KIF17: variants seen among roughly 807,000 people sequenced by gnomAD.
KIF17 encodes kinesin-like protein KIF17.
Under a neutral mutation model 96.8 loss-of-function variants are expected in KIF17, and 80 were observed. That is an observed-to-expected ratio of 0.83 (90% CI 0.69 to 1.00). KIF17 has a LOEUF of 1.00. KIF17 is among the 50% of genes least tolerant of loss of function. The pLI is 0.00. For synonymous variants in KIF17, 567 were observed against 587.5 expected (o/e 0.97, Z 0.51); for missense variants, 1,280 against 1,372.9 (o/e 0.93, Z 1.07).
At position 20,717,795 on chromosome 1, in the gene KIF17, C is replaced by G. The variant is rs2054609993; in HGVS notation, c.-89G>C. Reference sequence around the variant, plus strand: ...CCCGGGCCAAGGGGCGGGGCCAGCGCCGGCCACGGGGGGCGGGGCCTTGAG... The same window carrying G: ...CCCGGGCCAAGGGGCGGGGCCAGCGGCGGCCACGGGGGGCGGGGCCTTGAG... On this transcript the variant is annotated 5_prime_UTR_variant, in exon 1 of 15. Transcript: ENST00000400463. 1.5e-6 allele frequency: 2 copies of G among 1,348,174 alleles called. No homozygotes were observed. Among genetic ancestry groups the G allele is most frequent in the Admixed American group, 3.9e-5 (1 of 25,506 alleles). 83.5% of individuals were successfully genotyped at this position (1,348,174 alleles called of 1,614,324 possible). A position where few individuals can be genotyped will look rare whatever the true frequency, so the allele number is the denominator to read the frequency against.
Position 20,712,812 on chromosome 1 carries a change from TATATAA to T in KIF17, c.480+636_480+641del, listed in dbSNP as rs1481359052. ...TATATATAAATAGATAATATCTATA[TATATAA>T]TATAGATATTATCTATATTATAGAT... is the stretch of plus-strand genomic sequence containing the variant. On this transcript the variant is annotated intron_variant, in intron 3 of 14. Coordinates refer to ENST00000400463, the MANE Select transcript of KIF17 (RefSeq NM_001122819.3). Among the ~76,000 whole-genome samples, 6 of 51,428 alleles carry T rather than the reference TATATAA, an allele frequency of 1.2e-4. 2 individuals are homozygous for T. The highest frequency in any genetic ancestry group is 3.2e-4 in the African/African-American group (6 of 18,834). 33.7% of individuals were successfully genotyped at this position (51,428 alleles called of 152,430 possible). A position where few individuals can be genotyped will look rare whatever the true frequency, so the allele number is the denominator to read the frequency against.
rs373929700 is a variant in KIF17, at chr1:20,670,389, C to T, written c.2790+32G>A. On this transcript the variant is annotated intron_variant, in intron 13 of 14. Coordinates refer to ENST00000400463, the MANE Select transcript of KIF17 (RefSeq NM_001122819.3). ...CTGGGGGCAAAGCCCTCCCAGCCCC[C>T]GACACCCCACTCCCTCTCCCGCGGT... The T allele has an allele frequency of 9.8e-5, 158 of 1,607,086 alleles. 1 individual carries two copies. The highest frequency in any genetic ancestry group is 1.5e-4 in the South Asian group (14 of 90,952).
intron 11 of KIF17, among the ~76,000 whole-genome samples, chr1:20,676,675 C>CA (rs1179133926): frequency 3.3e-5 from 5 of 151,592 alleles, no homozygotes; most frequent in Non-Finnish European, 5.9e-5. Flanking sequence ...CTACTAAATA[C>CA]AAAAAATTAG....
chr1:20,697,443 A>C (rs1253098950), intron 6 of KIF17, among the ~76,000 whole-genome samples: 1 of 43,736 alleles, frequency 2.3e-5, no homozygotes, highest in Non-Finnish European at 4.2e-5. Context: ...CTATCTCTAC[A>C]AAAAAATTTA....
At chr1:20,679,092 A>G (rs1447912247) in intron 11 of KIF17, among the ~76,000 whole-genome samples, 3 of 151,438 alleles carry the variant, frequency 2.0e-5, no homozygotes, top group Admixed American at 2.0e-4. Context: ...CCGGCAGATC[A>G]TTTGAACTCA....
chr1:20,703,186 G>A (rs3077928), intron 5 of KIF17, among the ~76,000 whole-genome samples: 110 of 96,060 alleles, frequency 1.1e-3, no homozygotes, highest in East Asian at 2.2e-3. Flanking sequence ...TGAATGGATG[G>A]ACGGATGGAT....
At chr1:20,701,913 G>A (rs2054244316) in intron 5 of KIF17, among the ~76,000 whole-genome samples, 1 of 152,176 alleles carries the variant, frequency 6.6e-6, no homozygotes, top group Non-Finnish European at 1.5e-5. Flanking sequence ...TTTGTTGAAA[G>A]GGAAAAAGAG....
intron 13 of KIF17, among the ~76,000 whole-genome samples, chr1:20,666,536 C>T (rs1163210068): frequency 6.6e-6 from 1 of 152,040 alleles, no homozygotes; most frequent in African/African-American, 2.4e-5. Flanking sequence ...AGCTCGGGGC[C>T]AGGAAGTCAG....
chr1:20,707,603 G>A (rs964374278), intron 4 of KIF17, among the ~76,000 whole-genome samples: 28 of 151,524 alleles, frequency 1.8e-4, no homozygotes, highest in Non-Finnish European at 3.4e-4. Flanking sequence ...AGATCCTGTC[G>A]CTACAAAACA....
chr1:20,667,817 G>A (rs571088003), intron 13 of KIF17, among the ~76,000 whole-genome samples: 2 of 152,242 alleles, frequency 1.3e-5, no homozygotes, highest in African/African-American at 4.8e-5. Context: ...AGACCAGCCT[G>A]ACCAACATGG....
intron 3 of KIF17, among the ~76,000 whole-genome samples, chr1:20,711,426 G>A (rs1262300046): frequency 4.6e-5 from 7 of 152,206 alleles, no homozygotes; most frequent in Non-Finnish European, 8.8e-5. Context: ...GCCCTCAGCC[G>A]CGCACCAGGT....
downstream of KIF17, among the ~76,000 whole-genome samples, chr1:20,663,510 AT>A (rs2053472798): frequency 6.6e-6 from 1 of 152,232 alleles, no homozygotes. Flanking sequence ...GGTGGGCGTT[AT>A]CCCCATTTCA....
In KIF17 at chr1:20,666,204, G is replaced by C; in HGVS notation, c.2908+10C>G. The C allele has an allele frequency of 6.3e-7, 1 of 1,592,762 alleles. No individual in the cohort carries two copies. Among genetic ancestry groups the C allele is most frequent in the South Asian group, 1.1e-5 (1 of 90,662 alleles). ...TGTGGAGAGGGTGGGGACAGGGGAG[G>C]GACACTCACTGAGGCTCTTCCTGGC... On this transcript the variant is annotated intron_variant, in intron 14 of 14. Coordinates refer to ENST00000400463, the MANE Select transcript of KIF17 (RefSeq NM_001122819.3).
rs1194177953 is a variant in KIF17 at position 20,672,142 on chromosome 1, T to C, written c.2518A>G (p.Lys840Glu). Residue 840 changes from lysine to glutamate, a missense_variant, in exon 12 of 15, where the codon AAG (lysine) becomes GAG (glutamate). By Grantham distance (56) the Lys-to-Glu change is moderately conservative. Coordinates refer to ENST00000400463, the MANE Select transcript of KIF17 (RefSeq NM_001122819.3). The surrounding 1 kb of genome is among the most constrained non-coding windows in gnomAD (Gnocchi z 4.3). ...CGGATGGTGGCCAAGTAATCGATCTTCTCCAGCTGAAACTCGGACTGCAGA... is the reference window on the plus strand; with the variant it reads ...CGGATGGTGGCCAAGTAATCGATCTCCTCCAGCTGAAACTCGGACTGCAGA... ...KDLQSEFQLE[K>E]IDYLATIRRQ... The C allele has an allele frequency of 1.2e-6, 2 of 1,614,166 alleles. No individual in the cohort carries two copies. The highest frequency in any genetic ancestry group is 3.3e-5 in the Admixed American group (2 of 60,018).
Position 20,682,938 on chromosome 1 carries a change from C to G in KIF17, c.2232-54G>C. The G allele has an allele frequency of 3.3e-6, 5 of 1,507,996 alleles. No homozygotes were observed. In the South Asian group the frequency reaches 5.7e-5, roughly 17 times the overall value. The allele number at this position is 1,507,996 out of a possible 1,614,324, so 93.4% of individuals were successfully genotyped here. A position where few individuals can be genotyped will look rare whatever the true frequency, so the allele number is the denominator to read the frequency against. On this transcript the variant is annotated intron_variant, in intron 10 of 14. Transcript: ENST00000400463. ...GACAATATCTGCCCATCACCGAGCA[C>G]GTGCCATCCAGCAGGCTCCAGGCTA...
At chr1:20,712,604 CTA>C (rs373991865) in intron 3 of KIF17, among the ~76,000 whole-genome samples, 8,457 of 19,998 alleles carry the variant, frequency 0.42, 2,874 homozygotes, top group East Asian at 0.77. Context: ...CTATATATAT[CTA>C]TATATATATA....
chr1:20,709,491 C>T lies in KIF17; in HGVS notation c.670+148G>A. 2 of 835,520 alleles carry T rather than the reference C, an allele frequency of 2.4e-6. No individual in the cohort carries two copies. Among genetic ancestry groups the T allele is most frequent in the Non-Finnish European group, 4.0e-6 (2 of 496,684 alleles). 51.8% of individuals were successfully genotyped at this position (835,520 alleles called of 1,614,324 possible). ...TCCTGGGAACACGGGTCCCAGCATCCCAAGGGTCCTCTTGGGTTTCCTCCA... is the reference window on the plus strand; with the variant it reads ...TCCTGGGAACACGGGTCCCAGCATCTCAAGGGTCCTCTTGGGTTTCCTCCA... On this transcript the variant is annotated intron_variant, in intron 4 of 14. Transcript: ENST00000400463. The surrounding 1 kb of genome is among the most constrained non-coding windows in gnomAD (Gnocchi z 4.7).
At chr1:20,675,881 T>TTC (rs1187289497) in intron 11 of KIF17, among the ~76,000 whole-genome samples, 19 of 152,260 alleles carry the variant, frequency 1.2e-4, no homozygotes, top group African/African-American at 4.3e-4. Context: ...AGTTTTGTAC[T>TTC]TCTTTTTGTA....
chr1:20,672,839 GC>G lies in KIF17; in HGVS notation c.2464-644del, dbSNP rs1259845950. 3.1e-5 allele frequency: 5 copies of G among 161,854 alleles called. No individual in the cohort carries two copies. The highest frequency in any genetic ancestry group is 5.5e-5 in the Non-Finnish European group (4 of 72,838). 10.0% of individuals were successfully genotyped at this position (161,854 alleles called of 1,614,324 possible). On this transcript the variant is annotated intron_variant, in intron 11 of 14. Coordinates refer to ENST00000400463, the MANE Select transcript of KIF17 (RefSeq NM_001122819.3). This position sits in a 1 kb window ranked among gnomAD's most constrained non-coding sequence, Gnocchi z 4.3. ...CCCTCCTGAGCACAGGTGACTGCCA[GC>G]CCCAGCCATAACCACCCTCTCCCTG...
Sources: gnomAD v4.1 joint callset for allele counts (sites outside exome capture counted in the v4.1 genomes callset) on GRCh38, gnomAD v4.1.1 for gene constraint, Gnocchi (gnomAD v3.1) non-coding constraint, MANE v1.5 for transcripts, NCBI Gene and HGNC (gene_info 2026-07-23, HGNC 2026-07-21) for gene names.